Variants in ZBTB38 observed in about 807,000 individuals in gnomAD.
ZBTB38 encodes the protein zinc finger and BTB domain-containing protein 38.
A neutral mutation model predicts 76.8 loss-of-function variants in ZBTB38; 20 were observed. That is an observed-to-expected ratio of 0.26 (90% confidence interval 0.18 to 0.38). The LOEUF is 0.38. ZBTB38 is among the 10% of genes least tolerant of loss of function. The pLI, the probability that ZBTB38 is intolerant of heterozygous loss-of-function variation, is 1.00. For synonymous variants in ZBTB38, 504 were observed against 544.2 expected, an observed-to-expected ratio of 0.93 and a Z score of 1.03; for missense variants, 1,082 against 1,482.3, an observed-to-expected ratio of 0.73 and a Z score of 4.43.
chr3:141,448,628 G>A lies in ZBTB38; in HGVS notation c.*2652G>A, dbSNP rs1334681189. ...TATTAAATGCAGATGTTAAGGATTG[G>A]AAAAGTCTAATTTTATTTTTAGAAA... is the stretch of plus-strand genomic sequence containing the variant. On this transcript the variant is annotated 3_prime_UTR_variant, in exon 6 of 6. Coordinates refer to ENST00000321464, the MANE Select transcript of ZBTB38 (RefSeq NM_001376113.1). 6.6e-6 allele frequency: 1 copy of A among 152,186 alleles called. No individual in the cohort carries two copies. The highest frequency in any genetic ancestry group is 6.5e-5 in the Admixed American group (1 of 15,282). The allele number at this position is 152,186 out of a possible 1,614,324, so 9.4% of individuals were successfully genotyped here.
Position 141,418,677 on chromosome 3 carries a change from C to T in ZBTB38, c.-1+14646C>T, listed in dbSNP as rs188480527. Among the ~76,000 whole-genome samples the T allele has an allele frequency of 5.9e-5, 9 of 152,326 alleles. No individual in the cohort carries two copies. The East Asian group carries it at 1.7e-3, about 29-fold the overall frequency. On this transcript the variant is annotated intron_variant, in intron 5 of 5. Coordinates refer to ENST00000321464, the MANE Select transcript of ZBTB38 (RefSeq NM_001376113.1). Reference sequence around the variant, plus strand: ...CCTCATCAGATACTTGTTAAGAAAACAAAACTCTGCTTGATTTTAGTGAAA... The same window carrying T: ...CCTCATCAGATACTTGTTAAGAAAATAAAACTCTGCTTGATTTTAGTGAAA...
At chr3:141,325,520 G>A (rs1044796298) in intron 1 of ZBTB38, among the ~76,000 whole-genome samples, 5 of 152,112 alleles carry the variant, frequency 3.3e-5, no homozygotes, top group Non-Finnish European at 5.9e-5. Flanking sequence ...TCAGCAACCC[G>A]GGTAGCAACA....
At chr3:141,428,985 A>G (rs2076917405) in intron 5 of ZBTB38, among the ~76,000 whole-genome samples, 1 of 152,210 alleles carries the variant, frequency 6.6e-6, no homozygotes, top group Non-Finnish European at 1.5e-5. Flanking sequence ...ATCTTTTTAT[A>G]GTATAGATTG....
chr3:141,440,415 G>A (rs1479628195), intron 5 of ZBTB38, among the ~76,000 whole-genome samples: 1 of 152,180 alleles, frequency 6.6e-6, no homozygotes, highest in African/African-American at 2.4e-5. Context: ...GCTTATAATA[G>A]CAGCTTTACA....
At chr3:141,345,076 C>G (rs1012605668) in intron 1 of ZBTB38, among the ~76,000 whole-genome samples, 1 of 152,202 alleles carries the variant, frequency 6.6e-6, no homozygotes, top group African/African-American at 2.4e-5. Context: ...CTAAGCTTAA[C>G]TGTATATTGC....
chr3:141,438,084 CG>C (rs2079211387), intron 5 of ZBTB38, among the ~76,000 whole-genome samples: 1 of 150,688 alleles, frequency 6.6e-6, no homozygotes, highest in Non-Finnish European at 1.5e-5. Flanking sequence ...GCTGATTGAA[CG>C]CATGTCTTTC....
At chr3:141,328,230 C>A (rs6795197) in intron 1 of ZBTB38, among the ~76,000 whole-genome samples, 49,925 of 151,994 alleles carry the variant, frequency 0.33, 8,884 homozygotes, top group Non-Finnish European at 0.39. Flanking sequence ...CATACAATTT[C>A]ATGTGCATAA....
At chr3:141,403,256 G>A (rs1418844334) in intron 4 of ZBTB38, 1 of 152,168 alleles carries the variant, frequency 6.6e-6, no homozygotes, top group African/African-American at 2.4e-5. Context: ...TATTTTAAAG[G>A]TTAAAGACTT....
At chr3:141,342,668 G>A (rs921604974) in intron 1 of ZBTB38, among the ~76,000 whole-genome samples, 4 of 150,882 alleles carry the variant, frequency 2.7e-5, no homozygotes, top group Admixed American at 6.6e-5. Context: ...ACAAACCCTC[G>A]TGCAAGAAGT....
intron 4 of ZBTB38, among the ~76,000 whole-genome samples, chr3:141,398,617 A>C (rs1037427400): frequency 2.6e-5 from 4 of 152,212 alleles, no homozygotes; most frequent in African/African-American, 9.6e-5. Context: ...GCTGCTAGGC[A>C]ATCTTGTTTC....
chr3:141,379,656 C>T (rs1945917487), intron 2 of ZBTB38, among the ~76,000 whole-genome samples: 1 of 152,226 alleles, frequency 6.6e-6, no homozygotes, highest in Non-Finnish European at 1.5e-5. Flanking sequence ...CTTTTAGTTT[C>T]AAAACCATAC....
chr3:141,423,806 T>G (rs1056980292), intron 5 of ZBTB38, among the ~76,000 whole-genome samples: 2 of 152,158 alleles, frequency 1.3e-5, no homozygotes, highest in African/African-American at 4.8e-5. Flanking sequence ...AAACTGAGAC[T>G]TAAATGAAAA....
At chr3:141,426,259 C>G in intron 5 of ZBTB38, 1 of 1,146,084 alleles carries the variant, frequency 8.7e-7, no homozygotes, top group South Asian at 1.3e-5. Flanking sequence ...AAAAGCACAC[C>G]TGCCCAGACC....
At chr3:141,383,448 C>T (rs191269400) in intron 3 of ZBTB38, among the ~76,000 whole-genome samples, 1 of 152,056 alleles carries the variant, frequency 6.6e-6, no homozygotes, top group Non-Finnish European at 1.5e-5. Flanking sequence ...TGTTGACTAC[C>T]TCTATTAGGT....
At chr3:141,389,975 T>C (rs894525796) in intron 4 of ZBTB38, 1 of 152,226 alleles carries the variant, frequency 6.6e-6, no homozygotes, top group African/African-American at 2.4e-5. Context: ...CTCTTAGTCT[T>C]GCCTAAAAGA....
intron 1 of ZBTB38, among the ~76,000 whole-genome samples, chr3:141,351,934 A>T (rs544579949): frequency 1.3e-5 from 2 of 152,216 alleles, no homozygotes; most frequent in African/African-American, 4.8e-5. Context: ...AGATTTCAAT[A>T]CAAAGATAAA....
At chr3:141,415,154 G>A (rs944240065) in intron 5 of ZBTB38, among the ~76,000 whole-genome samples, 2 of 152,008 alleles carry the variant, frequency 1.3e-5, no homozygotes, top group African/African-American at 4.8e-5. Context: ...ATCTTCAGGG[G>A]TACCTCAGCC....
At chr3:141,418,853 G>A (rs1260938022) in intron 5 of ZBTB38, among the ~76,000 whole-genome samples, 1 of 152,134 alleles carries the variant, frequency 6.6e-6, no homozygotes, top group African/African-American at 2.4e-5. Context: ...ACAAAATACT[G>A]TGTGATCAAG....
intron 1 of ZBTB38, among the ~76,000 whole-genome samples, chr3:141,356,004 A>C (rs1409366142): frequency 1.4e-5 from 2 of 144,704 alleles, no homozygotes; most frequent in Non-Finnish European, 3.0e-5. Flanking sequence ...AGCAGTAAAA[A>C]GGACACCAAT....
Sources: allele counts gnomAD v4.1 joint callset (sites outside exome capture counted in the v4.1 genomes callset), GRCh38; gene constraint gnomAD v4.1.1; transcripts MANE v1.5; gene names NCBI Gene and HGNC (gene_info 2026-07-23, HGNC 2026-07-21).